Variants in KMT2D observed in about 807,000 individuals in gnomAD.
KMT2D encodes histone-lysine N-methyltransferase 2D.
Under a neutral mutation model 512.7 loss-of-function variants are expected in KMT2D, and 55 were observed. That is an observed-to-expected ratio of 0.11 (90% CI 0.09 to 0.13). The LOEUF is 0.13. Ranked by LOEUF, KMT2D falls within the 10% of genes least tolerant of loss-of-function variation. The pLI is 1.00. For synonymous variants in KMT2D, 2,995 were observed against 2,904.0 expected (o/e 1.03, Z -1.01); for missense variants, 6,061 against 7,127.9 (o/e 0.85, Z 5.39).
Position 49,031,587 on chromosome 12 carries a change from C to T in KMT2D, c.13118G>A (p.Gly4373Asp), listed in dbSNP as rs770966197. Residue 4373 changes from glycine to aspartate, a missense_variant, in exon 40 of 55, where the codon GGT becomes GAT. Gly to Asp is a moderately conservative substitution (Grantham distance 94, BLOSUM62 -1). Transcript: ENST00000301067. The stretch of plus-strand genomic sequence containing the variant: ...GTCTGGGGGATCCCAAGGTCCCAGA[C>T]CCTTGCTAAACAAGGTATCTGCAAG... ...AQLADTLFSK[G>D]LGPWDPPDNL... 3.8e-5 allele frequency: 61 copies of T among 1,599,320 alleles called. No homozygotes were observed. The highest frequency in any genetic ancestry group is 5.0e-5 in the Non-Finnish European group (59 of 1,172,960).
chr12:49,052,884 A>G, intron 9 of KMT2D, 31 bp downstream of exon 9: 1 of 1,611,206 alleles, frequency 6.2e-7, no homozygotes, highest in Non-Finnish European at 8.5e-7. Flanking sequence ...CCAACCTGCC[A>G]GCCCAATCTC....
rs398123709 is a variant in KMT2D at position 49,032,970 on chromosome 12, A to AGTTGCT, written c.11729_11734dup (p.Gln3910_Gln3911dup). On this transcript the variant is annotated inframe_insertion, in exon 40 of 55. Coordinates refer to ENST00000301067, the MANE Select transcript of KMT2D (RefSeq NM_003482.4). ...TAGCTGCTGCTGCTGCTGCTGCTGA[A>AGTTGCT]GTTGCTGTTGCTGTTGCAGCTGCTG... 4.2e-5 allele frequency: 65 copies of AGTTGCT among 1,549,528 alleles called. No individual in the cohort carries two copies. The highest frequency in any genetic ancestry group is 3.5e-4 in the Middle Eastern group (2 of 5,668).
rs2137711672 is a variant in KMT2D at position 49,024,864 on chromosome 12, C to G, written c.15867G>C (p.Lys5289Asn). ...CCGTCAGCCCAAAGAGCTCCTCGCC[C>G]TTCAGATACTCAGGGAAGAGTCGCA... The part of the protein sequence containing the change: ...DMLRLFPEYL[K>N]GEELFGLTVH... Residue 5289 changes from lysine (K) to asparagine (N), a missense_variant, in exon 50 of 55, where the codon AAG (lysine) becomes AAC (asparagine). By Grantham distance (94) the Lys-to-Asn change is moderately conservative (BLOSUM62 0). Around this residue, in one of 16 missense-constraint regions of KMT2D, gnomAD observed 261 missense variants for 440.7 expected, o/e 0.59. Transcript: ENST00000301067. The surrounding 1 kb of genome is among the most constrained non-coding windows in gnomAD (Gnocchi z 4.5). 1.9e-6 allele frequency: 3 copies of G among 1,610,860 alleles called. No homozygotes were observed. Among genetic ancestry groups the G allele is most frequent in the Non-Finnish European group, 2.5e-6 (3 of 1,178,540 alleles).
At position 49,053,234 on chromosome 12, in the gene KMT2D, T is replaced by C. The variant is rs1938192741; in HGVS notation, c.927A>G (p.Glu309=). The stretch of plus-strand genomic sequence containing the variant: ...TGCACTTCCAAGAGTGAGCAGGCAG[T>C]TCCTCCATGGGTGGTTTTAGGCAGA... ...HTFCLKPPME[E]LPAHSWKCKA... is the part of the protein sequence containing the mutation. The change falls in exon 8 of 55, where the codon GAA becomes GAG. Residue 309 remains glutamate (E), a synonymous_variant. Coordinates refer to ENST00000301067, the MANE Select transcript of KMT2D (RefSeq NM_003482.4). 1.9e-6 allele frequency: 3 copies of C among 1,613,924 alleles called. No individual in the cohort carries two copies. The highest frequency in any genetic ancestry group is 2.5e-6 in the Non-Finnish European group (3 of 1,179,814).
rs773077415 is a variant in KMT2D, at chr12:49,054,092, G to C, written c.559C>G (p.Pro187Ala). 6 of 1,613,520 alleles carry C rather than the reference G, an allele frequency of 3.7e-6. No homozygotes were observed. The highest frequency in any genetic ancestry group is 8.5e-7 in the Non-Finnish European group (1 of 1,179,714). ...AAGTGGTAAAGCCGTGGACATCCAG[G>C]TGAGCGGCAAGGGATGGAGGCACCG... The part of the protein sequence containing the change: ...RLGASIPCRS[P>A]GCPRLYHFPC... The change falls in exon 6 of 55, where the codon CCT (proline) becomes GCT (alanine). Residue 187 changes from proline to alanine, a missense_variant. Around this residue, in one of 16 missense-constraint regions of KMT2D, gnomAD observed 160 missense variants for 225.8 expected, o/e 0.71. Transcript: ENST00000301067. The surrounding 1 kb of genome is among the most constrained non-coding windows in gnomAD (Gnocchi z 6.4).
chr12:49,028,014 C>T lies in KMT2D; in HGVS notation c.14510G>A (p.Gly4837Asp). The T allele has an allele frequency of 6.2e-7, 1 of 1,613,784 alleles. No homozygotes were observed. Among genetic ancestry groups the T allele is most frequent in the Non-Finnish European group, 8.5e-7 (1 of 1,179,770 alleles). ...GGCTTCCCTGCCACACTCACCAGGA[C>T]CCTCAGCTTCCCCCTTCTTTGGCTC... ...GTEPKKGEAEGPGGKEKGLEG... is the reference protein window; with the variant it reads ...GTEPKKGEAEDPGGKEKGLEG... Residue 4837 changes from glycine to aspartate, a missense_variant, in exon 47 of 55, where the codon GGT becomes GAT. Coordinates refer to ENST00000301067, the MANE Select transcript of KMT2D (RefSeq NM_003482.4).
rs764773203 is a variant in KMT2D, at chr12:49,051,238, C to G, written c.2445G>C (p.Leu815=). 62 of 1,527,904 alleles carry G rather than the reference C, an allele frequency of 4.1e-5. No individual in the cohort carries two copies. Among genetic ancestry groups the G allele is most frequent in the Non-Finnish European group, 5.1e-5 (58 of 1,135,440 alleles). The allele number at this position is 1,527,904 out of a possible 1,614,324, so 94.6% of individuals were successfully genotyped here. The stretch of plus-strand genomic sequence containing the variant: ...AGCATGGCTCCTCAGGCACAGGAGA[C>G]AGGTGCGGCTCCTCAGTCTGGGGGG... The part of the protein sequence containing the change: ...HLSPQTEEPH[L]SPVPEEPCLS... Residue 815 remains leucine (L), a synonymous_variant, in exon 11 of 55, where the codon CTG becomes CTC. Transcript: ENST00000301067.
chr12:49,031,419 T>C lies in KMT2D; in HGVS notation c.13286A>G (p.Gln4429Arg), dbSNP rs1373509343. 24 of 1,613,636 alleles carry C rather than the reference T, an allele frequency of 1.5e-5. No individual in the cohort carries two copies. Among genetic ancestry groups the C allele is most frequent in the Non-Finnish European group, 1.9e-5 (23 of 1,179,878 alleles). The change falls in exon 40 of 55, where the codon CAG (glutamine) becomes CGG (arginine). Residue 4429 changes from glutamine (Q) to arginine (R), a missense_variant. By Grantham distance (43) the Gln-to-Arg change is conservative (BLOSUM62 1). This residue lies in a region of KMT2D where 1,600 missense variants were observed against 1,754.9 expected (regional missense o/e 0.91). Coordinates refer to ENST00000301067, the MANE Select transcript of KMT2D (RefSeq NM_003482.4). ...PREEPCALGA[Q>R]SVKREANGEP... ...CCCATTGGCCTCCCTCTTCACTGAC[T>C]GGGCTCCCAGGGCACATGGCTCTTC... is the stretch of plus-strand genomic sequence containing the variant.
At chr12:49,052,769 G>A in intron 9 of KMT2D, 60 bp from the exon 10 acceptor site, 1 of 1,595,948 alleles carries the variant, frequency 6.3e-7, no homozygotes, top group African/African-American at 1.3e-5. Flanking sequence ...ATCCTAGAGA[G>A]CACACTGGGG....
Position 49,052,208 on chromosome 12 carries a change from G to A in KMT2D, c.1475C>T (p.Ser492Leu), listed in dbSNP as rs1265398099. 2 of 1,613,228 alleles carry A rather than the reference G, an allele frequency of 1.2e-6. No individual in the cohort carries two copies. Among genetic ancestry groups the A allele is most frequent in the Non-Finnish European group, 8.5e-7 (1 of 1,179,656 alleles). Residue 492 changes from serine to leucine, a missense_variant, in exon 11 of 55, where the codon TCG (serine) becomes TTG (leucine). By Grantham distance (145) the Ser-to-Leu change is moderately radical (BLOSUM62 -2). Transcript: ENST00000301067. ...CTCCTCAGGCGGCGGAGAGAGGGGC[G>A]ATTCCTCCAGCGGCCGGGACAGGTG... is the stretch of plus-strand genomic sequence containing the variant. The part of the protein sequence containing the change: ...ALHLSRPLEE[S>L]PLSPPPEESP...
At position 49,022,791 on chromosome 12, in the gene KMT2D, C is replaced by G. The variant is rs2137707421; in HGVS notation, c.16137G>C (p.Gln5379His). The G allele has an allele frequency of 6.2e-7, 1 of 1,613,972 alleles. No homozygotes were observed. The highest frequency in any genetic ancestry group is 8.5e-7 in the Non-Finnish European group (1 of 1,179,882). Residue 5379 changes from glutamine to histidine, a missense_variant, in exon 52 of 55, where the codon CAG (glutamine) becomes CAC (histidine). By Grantham distance (24) the Gln-to-His change is conservative. Transcript: ENST00000301067. The surrounding 1 kb of genome is among the most constrained non-coding windows in gnomAD (Gnocchi z 8.6). ...TGETNTPYSKQFVHSKSSQYR... is the reference protein window; with the variant it reads ...TGETNTPYSKHFVHSKSSQYR... The stretch of plus-strand genomic sequence containing the variant: ...ACTGAGATGACTTGGAGTGCACAAA[C>G]TGCTTGCTGTAGGGGGTGTTGGTCT...
At chr12:49,047,872 C>T (rs1431042960) in intron 15 of KMT2D, 93 bp downstream of exon 15, 8 of 853,938 alleles carry the variant, frequency 9.4e-6, no homozygotes, top group Middle Eastern at 2.2e-4. Flanking sequence ...GACCGATGGC[C>T]GCTTTAAGAG....
chr12:49,039,585 C>T lies in KMT2D; in HGVS notation c.8079G>A (p.Gln2693=), dbSNP rs531286372. 7.0e-5 allele frequency: 113 copies of T among 1,610,868 alleles called. 4 individuals are homozygous for T. In the South Asian group the frequency reaches 1.2e-3, roughly 17 times the overall value. ...RQRLRELLIR[Q]QIQRNTLRQE... ...GCCGCAGGGTGTTGCGCTGGATCTGCTGCCGAATCAGCAGCTCTCGTAGTC... is the reference window on the plus strand; with the variant it reads ...GCCGCAGGGTGTTGCGCTGGATCTGTTGCCGAATCAGCAGCTCTCGTAGTC... Residue 2693 remains glutamine (Q), a synonymous_variant, in exon 33 of 55, where the codon CAG becomes CAA. Transcript: ENST00000301067. This position sits in a 1 kb window ranked among gnomAD's most constrained non-coding sequence, Gnocchi z 5.0.
Position 49,019,048 on chromosome 12 carries a change from C to T in KMT2D, c.*2732G>A, listed in dbSNP as rs1942155498. ...GAAGAAGCAAAATCCAAAACTTGCC[C>T]TTTGCCTCTCGCAACATAAATATGT... On this transcript the variant is annotated 3_prime_UTR_variant, in exon 55 of 55. Coordinates refer to ENST00000301067, the MANE Select transcript of KMT2D (RefSeq NM_003482.4). 1 of 1,360,062 alleles carries T rather than the reference C, an allele frequency of 7.4e-7. No individual in the cohort carries two copies. The allele number at this position is 1,360,062 out of a possible 1,614,324, so 84.2% of individuals were successfully genotyped here.
rs1937890335 is a variant in KMT2D at position 49,050,471 on chromosome 12, A to C, written c.3117T>G (p.Pro1039=). 6.2e-7 allele frequency: 1 copy of C among 1,613,712 alleles called. No individual in the cohort carries two copies. Among genetic ancestry groups the C allele is most frequent in the Non-Finnish European group, 8.5e-7 (1 of 1,179,650 alleles). Residue 1039 remains proline, a synonymous_variant, in exon 12 of 55, where the codon CCT becomes CCG. Coordinates refer to ENST00000301067, the MANE Select transcript of KMT2D (RefSeq NM_003482.4). ...GTAGGGCAGGAGGAGAGCACTGGGA[A>C]GGAGGGGAGTTTTGGGGAACCAGGG... ...QHSLVPQNSP[P]SQCSPPALPL... is the part of the protein sequence containing the mutation.
In KMT2D at chr12:49,024,082, G is replaced by A; in HGVS notation, c.16052+496C>T. On this transcript the variant is annotated intron_variant, in intron 51 of 54. Transcript: ENST00000301067. The surrounding 1 kb of genome is among the most constrained non-coding windows in gnomAD (Gnocchi z 4.5). ...TAAGGTTGTTGTGAGGATCAAATGAGATAATGGATGTGAAAACGCTTTGAA... is the reference window on the plus strand; with the variant it reads ...TAAGGTTGTTGTGAGGATCAAATGAAATAATGGATGTGAAAACGCTTTGAA... 1 of 455,958 alleles carries A rather than the reference G, an allele frequency of 2.2e-6. No individual in the cohort carries two copies. Among genetic ancestry groups the A allele is most frequent in the South Asian group, 1.6e-5 (1 of 64,402 alleles). The allele number at this position is 455,958 out of a possible 1,614,324, so 28.2% of individuals were successfully genotyped here. A position where few individuals can be genotyped will look rare whatever the true frequency, so the allele number is the denominator to read the frequency against.
In KMT2D at chr12:49,044,636, C is replaced by T; in HGVS notation, c.4963+108G>A. ...TTGCCTCAGAGCCACTTAGACGAGA[C>T]AGCAGTGCTTAAGGGTAACTGAGTG... On this transcript the variant is annotated intron_variant, in intron 20 of 54. Transcript: ENST00000301067. The surrounding 1 kb of genome is among the most constrained non-coding windows in gnomAD (Gnocchi z 6.4). 3 of 1,551,626 alleles carry T rather than the reference C, an allele frequency of 1.9e-6. No individual in the cohort carries two copies. The South Asian group carries it at 3.5e-5, about 18-fold the overall frequency.
intron 41 of KMT2D, 43 bp downstream of exon 41, chr12:49,030,850 T>C (rs2120409504): frequency 1.2e-6 from 2 of 1,612,846 alleles, no homozygotes; most frequent in Non-Finnish European, 1.7e-6. Context: ...GGGTGCCCCC[T>C]ATCCTGGGAT....
chr12:49,049,601 G>A lies in KMT2D; in HGVS notation c.3906+81C>T, dbSNP rs1937796717. On this transcript the variant is annotated intron_variant, in intron 12 of 54. Coordinates refer to ENST00000301067, the MANE Select transcript of KMT2D (RefSeq NM_003482.4). ...AAGTCTAGGATTCACAAAGCAAGGT[G>A]GGAAAGTATCAGTGACACAGGACTG... 10 of 1,414,368 alleles carry A rather than the reference G, an allele frequency of 7.1e-6. No individual in the cohort carries two copies. The South Asian group carries it at 9.2e-5, about 13-fold the overall frequency. The allele number at this position is 1,414,368 out of a possible 1,614,324, so 87.6% of individuals were successfully genotyped here. A position where few individuals can be genotyped will look rare whatever the true frequency, so the allele number is the denominator to read the frequency against.
Sources: gnomAD v4.1 joint callset for allele counts on GRCh38, gnomAD v4.1.1 for gene constraint, gnomAD v4.1.1 regional missense constraint, Gnocchi (gnomAD v3.1) non-coding constraint, MANE v1.5 for transcripts, NCBI Gene and HGNC (gene_info 2026-07-23, HGNC 2026-07-21) for gene names.